Variants in MYO3A observed in about 807,000 individuals in gnomAD.
MYO3A encodes myosin IIIA, also known as myosin-IIIa.
A neutral mutation model predicts 192.7 loss-of-function variants in MYO3A; 180 were observed. The observed-to-expected ratio is 0.93, with a 90% confidence interval of 0.83 to 1.06. The LOEUF (loss-of-function observed/expected upper bound fraction) is 1.06, where lower values mean the gene tolerates loss of function less well. MYO3A is among the 50% of genes least tolerant of loss of function. The pLI is 0.00. For missense variants in MYO3A, 1,896 were observed against 1,905.0 expected (o/e 1.00, Z 0.09); for synonymous variants, 628 against 645.3 (o/e 0.97, Z 0.41).
At chr10:26,151,596 C>T (rs1247937622) in intron 23 of MYO3A, among the ~76,000 whole-genome samples, 1 of 151,946 alleles carries the variant, frequency 6.6e-6, no homozygotes, top group Non-Finnish European at 1.5e-5. Flanking sequence ...CACATAGTTG[C>T]GTCTTGGTTT....
chr10:26,067,264 C>T (rs955550044), intron 11 of MYO3A, among the ~76,000 whole-genome samples, 190 bp downstream of exon 11: 1 of 152,200 alleles, frequency 6.6e-6, no homozygotes, highest in African/African-American at 2.4e-5. Context: ...CCTATTATTT[C>T]ACTTATCTTC....
intron 17 of MYO3A, among the ~76,000 whole-genome samples, chr10:26,101,245 C>G (rs1423185110): frequency 6.6e-6 from 1 of 152,078 alleles, no homozygotes; most frequent in Admixed American, 6.6e-5. Context: ...TTTCCATTTG[C>G]TTGGTGGATC....
intron 15 of MYO3A, among the ~76,000 whole-genome samples, chr10:26,095,044 C>T (rs901080379): frequency 2.6e-5 from 4 of 151,998 alleles, no homozygotes; most frequent in Non-Finnish European, 5.9e-5. Flanking sequence ...AGGAGCAGGG[C>T]AAGAGGGGAT....
At position 26,070,191 on chromosome 10, in the gene MYO3A, T is replaced by C. The variant is rs779515980; in HGVS notation, c.1251T>C (p.Ser417=). The change falls in exon 13 of 35, where the codon TCT becomes TCC. Residue 417 remains serine (S), a synonymous_variant. Transcript: ENST00000642920. The part of the protein sequence containing the change: ...IFAMADLGYQ[S]MITYNSDQCI... The stretch of plus-strand genomic sequence containing the variant: ...CAATGGCTGACTTAGGATATCAATC[T>C]ATGATAACATATAATTCAGATCAGG... 2 of 1,610,446 alleles carry C rather than the reference T, an allele frequency of 1.2e-6. No homozygotes were observed. The highest frequency in any genetic ancestry group is 3.3e-5 in the Admixed American group (2 of 60,006).
Position 26,126,859 on chromosome 10 carries a change from C to T in MYO3A, c.2114+1251C>T, listed in dbSNP as rs75208039. On this transcript the variant is annotated intron_variant, in intron 19 of 34. Coordinates refer to ENST00000642920, the MANE Select transcript of MYO3A (RefSeq NM_017433.5). ...TTCCTTTCCATTCACTAATGAAAAC[C>T]ATCCAAATCTTAGATTTTAAAATTT... is the stretch of plus-strand genomic sequence containing the variant. Among the ~76,000 whole-genome samples, 1,348 of 152,204 alleles carry T rather than the reference C, an allele frequency of 8.9e-3. 29 individuals carry two copies. Among genetic ancestry groups the T allele is most frequent in the African/African-American group, 0.03 (1,265 of 41,538 alleles).
chr10:26,138,348 A>G (rs551282917), intron 20 of MYO3A, among the ~76,000 whole-genome samples: 74 of 152,352 alleles, frequency 4.9e-4, no homozygotes, highest in African/African-American at 1.7e-3. Context: ...ATAGTTCACC[A>G]TTATTCTAGT....
At position 26,174,608 on chromosome 10, in the gene MYO3A, C is replaced by T. The variant is rs1891666; in HGVS notation, c.4293+51C>T. The T allele has an allele frequency of 1.3e-4, 195 of 1,454,808 alleles. No individual in the cohort carries two copies. In the African/African-American group the frequency reaches 2.4e-3, roughly 18 times the overall value. 90.1% of individuals were successfully genotyped at this position (1,454,808 alleles called of 1,614,324 possible). On this transcript the variant is annotated intron_variant, in intron 30 of 34. Coordinates refer to ENST00000642920, the MANE Select transcript of MYO3A (RefSeq NM_017433.5). ...CTAATAAAAGTCCCTGGGAACTATA[C>T]AATAACTGAATTAAACACATAATTA...
At chr10:25,967,061 C>T (rs1193785797) in intron 4 of MYO3A, among the ~76,000 whole-genome samples, 6 of 152,000 alleles carry the variant, frequency 3.9e-5, no homozygotes, top group African/African-American at 1.5e-4. Flanking sequence ...TGTTGCTGCA[C>T]TGAAGAAATT....
chr10:26,193,389 G>C lies in MYO3A; in HGVS notation c.4545+78G>C, dbSNP rs1843249013. 5.0e-6 allele frequency: 6 copies of C among 1,200,966 alleles called. No individual in the cohort carries two copies. In the South Asian group the frequency reaches 7.6e-5, roughly 15 times the overall value. 74.4% of individuals were successfully genotyped at this position (1,200,966 alleles called of 1,614,324 possible). A position where few individuals can be genotyped will look rare whatever the true frequency, so the allele number is the denominator to read the frequency against. ...CAGTGTGAAAACTGTGGCTAGATTAGTTCAGGCACAAAGGAAGGCCTGGCA... is the reference window on the plus strand; with the variant it reads ...CAGTGTGAAAACTGTGGCTAGATTACTTCAGGCACAAAGGAAGGCCTGGCA... On this transcript the variant is annotated intron_variant, in intron 32 of 34. Transcript: ENST00000642920.
rs377301180 is a variant in MYO3A, at chr10:26,026,549, T to G, written c.953+17T>G. On this transcript the variant is annotated intron_variant, in intron 10 of 34. Coordinates refer to ENST00000642920, the MANE Select transcript of MYO3A (RefSeq NM_017433.5). Reference sequence around the variant, plus strand: ...AAAGGCCAGGTAATCAAATAATATCTTGATTCCAAAATCCAGAGATTATTG... The same window carrying G: ...AAAGGCCAGGTAATCAAATAATATCGTGATTCCAAAATCCAGAGATTATTG... 90 of 1,613,208 alleles carry G rather than the reference T, an allele frequency of 5.6e-5. No individual in the cohort carries two copies. The highest frequency in any genetic ancestry group is 7.3e-5 in the Non-Finnish European group (86 of 1,179,338).
At chr10:26,155,989 A>C (rs553568025) in intron 25 of MYO3A, among the ~76,000 whole-genome samples, 1 of 152,260 alleles carries the variant, frequency 6.6e-6, no homozygotes, top group South Asian at 2.1e-4. Flanking sequence ...TTTTAAAGCT[A>C]TTTTCATTCT....
At position 26,177,055 on chromosome 10, in the gene MYO3A, G is replaced by T. The variant is rs374058736; in HGVS notation, c.4438+210G>T. 8.6e-5 allele frequency among the ~76,000 whole-genome samples: 13 copies of T among 151,800 alleles called. No homozygotes were observed. The East Asian group carries it at 2.3e-3, about 27-fold the overall frequency. On this transcript the variant is annotated intron_variant, in intron 31 of 34. Transcript: ENST00000642920. ...CTCTGACTTAATTCCCCTCCATTTA[G>T]TATGTTTTCCTTTTTTCATTTTAAC...
At chr10:26,184,313 C>T (rs540546779) in intron 31 of MYO3A, among the ~76,000 whole-genome samples, 3 of 152,316 alleles carry the variant, frequency 2.0e-5, no homozygotes, top group East Asian at 1.9e-4. Flanking sequence ...ATGAAAATTC[C>T]TCTCCTAAGA....
chr10:26,045,478 A>G (rs1423255924), intron 10 of MYO3A, among the ~76,000 whole-genome samples: 2 of 152,200 alleles, frequency 1.3e-5, no homozygotes, highest in African/African-American at 4.8e-5. Context: ...CATAACTTCC[A>G]TAGTCCTTGT....
chr10:26,120,549 G>C, intron 17 of MYO3A, 127 bp from the exon 18 acceptor site: 1 of 1,243,606 alleles, frequency 8.0e-7, no homozygotes, highest in Non-Finnish European at 1.2e-6. Context: ...TCAGTGTGGC[G>C]TCATCATAGT....
At chr10:26,018,834 C>T (rs540202931) in intron 7 of MYO3A, among the ~76,000 whole-genome samples, 1 of 152,202 alleles carries the variant, frequency 6.6e-6, no homozygotes, top group South Asian at 2.1e-4. Flanking sequence ...CATGTAAATT[C>T]ATGAAATAAT....
intron 31 of MYO3A, among the ~76,000 whole-genome samples, chr10:26,191,852 G>A (rs1380447150): frequency 6.6e-6 from 1 of 152,162 alleles, no homozygotes; most frequent in African/African-American, 2.4e-5. Context: ...GTTTGGGACA[G>A]CTCTGTTTCT....
intron 27 of MYO3A, 72 bp from the exon 28 acceptor site, chr10:26,168,640 C>G: frequency 6.7e-7 from 1 of 1,486,644 alleles, no homozygotes; most frequent in South Asian, 1.2e-5. Flanking sequence ...GTGTTCTGTT[C>G]TTCAAAGCAC....
chr10:26,126,516 G>T (rs1023454142), intron 19 of MYO3A, among the ~76,000 whole-genome samples: 1 of 151,890 alleles, frequency 6.6e-6, no homozygotes, highest in Non-Finnish European at 1.5e-5. Context: ...TCTCAAAATT[G>T]CTTGTGTACC....
Sources: allele counts gnomAD v4.1 joint callset (sites outside exome capture counted in the v4.1 genomes callset), GRCh38; gene constraint gnomAD v4.1.1; transcripts MANE v1.5; gene names NCBI Gene and HGNC (gene_info 2026-07-23, HGNC 2026-07-21).